SHROOM2: variants seen among roughly 807,000 people sequenced by gnomAD.
SHROOM2 encodes the protein shroom family member 2.
A neutral mutation model predicts 75.9 loss-of-function variants in SHROOM2; 33 were observed. That is an observed-to-expected ratio of 0.43 (90% confidence interval 0.33 to 0.58). The LOEUF (loss-of-function observed/expected upper bound fraction) is 0.58. Ranked by LOEUF, SHROOM2 falls within the 20% of genes least tolerant of loss-of-function variation. The probability of loss-of-function intolerance (pLI) is 0.04; values close to 1 mark genes in which losing one functional copy is unlikely to be tolerated. For missense variants in SHROOM2, 1,434 were observed against 1,461.2 expected (o/e 0.98, Z 0.30); for synonymous variants, 655 against 663.6 (o/e 0.99, Z 0.20).
intron 5 of SHROOM2, among the ~76,000 whole-genome samples, chrX:9,914,268 A>G (rs188459285): frequency 9.2e-6 from 1 of 109,155 alleles, no homozygotes; most frequent in Admixed American, 1.0e-4. Context: ...CAGAGGGACA[A>G]ATGACCCTGG....
chrX:9,927,732 C>T (rs1257211037), intron 5 of SHROOM2, among the ~76,000 whole-genome samples: 1 of 112,239 alleles, frequency 8.9e-6, no homozygotes, highest in Non-Finnish European at 1.9e-5. Flanking sequence ...TTGCAAGGCC[C>T]TGAAGGAAAT....
intron 1 of SHROOM2, among the ~76,000 whole-genome samples, chrX:9,792,039 T>A (rs369083466): frequency 0.64 from 7,664 of 11,999 alleles, 1,065 homozygotes; most frequent in Admixed American, 0.66. Flanking sequence ...TAGAATAGAA[T>A]AGAATAGAAT....
At chrX:9,826,780 A>G (rs911375084) in intron 1 of SHROOM2, among the ~76,000 whole-genome samples, 1 of 112,134 alleles carries the variant, frequency 8.9e-6, no homozygotes, top group East Asian at 2.8e-4. Context: ...TGTCTCCATA[A>G]AAAAGAAAAA....
intron 5 of SHROOM2, among the ~76,000 whole-genome samples, chrX:9,928,869 A>C (rs1277170193): frequency 8.9e-6 from 1 of 112,662 alleles, no homozygotes; most frequent in Non-Finnish European, 1.9e-5. Context: ...CTATGCAGAG[A>C]TATACATCTA....
Position 9,799,157 on chromosome X carries a change from C to CTTTTTTTTTTTTTTT in SHROOM2, c.165+12461_165+12475dup, listed in dbSNP as rs58508176. Among the ~76,000 whole-genome samples the CTTTTTTTTTTTTTTT allele has an allele frequency of 9.8e-5, 6 of 61,380 alleles. 1 individual carries two copies. Among genetic ancestry groups the CTTTTTTTTTTTTTTT allele is most frequent in the African/African-American group, 2.6e-4 (3 of 11,343 alleles). The allele number at this position is 61,380 out of a possible 115,157, so 53.3% of individuals were successfully genotyped here. The stretch of plus-strand genomic sequence containing the variant: ...GTTTGCCTTTACGGAGAGTTTAATT[C>CTTTTTTTTTTTTTTT]TTTTTTTTTTTTTTTTTTTTTTTTT... On this transcript the variant is annotated intron_variant, in intron 1 of 9. Coordinates refer to ENST00000380913, the MANE Select transcript of SHROOM2 (RefSeq NM_001649.4).
intron 1 of SHROOM2, among the ~76,000 whole-genome samples, chrX:9,858,087 A>G (rs754977784): frequency 2.3e-4 from 26 of 111,715 alleles, no homozygotes; most frequent in Non-Finnish European, 4.7e-4. Context: ...GGCATCCCTG[A>G]AGAGAGTTGT....
chrX:9,932,898 C>G (rs370989929), intron 6 of SHROOM2, 28 bp downstream of exon 6: 3 of 1,113,358 alleles, frequency 2.7e-6, no homozygotes, highest in African/African-American at 3.6e-5. Flanking sequence ...TGTTCCCTCC[C>G]CATGAGGCTC....
intron 1 of SHROOM2, among the ~76,000 whole-genome samples, chrX:9,822,823 C>T (rs2083859918): frequency 9.0e-6 from 1 of 111,659 alleles, no homozygotes; most frequent in South Asian, 3.8e-4. Context: ...GAGGAGTGCT[C>T]AGTGCCTCCG....
intron 5 of SHROOM2, among the ~76,000 whole-genome samples, chrX:9,909,963 A>T (rs989858805): frequency 1.3e-4 from 14 of 111,235 alleles, no homozygotes; most frequent in African/African-American, 4.6e-4. Flanking sequence ...ATGGAAGGGG[A>T]GAGGGAGCTC....
chrX:9,900,406 A>T (rs1486255230), intron 5 of SHROOM2, among the ~76,000 whole-genome samples: 3 of 112,409 alleles, frequency 2.7e-5, no homozygotes, highest in African/African-American at 3.2e-5. Flanking sequence ...TCTAGAATAC[A>T]AAGGTTTGAA....
At chrX:9,844,350 A>G (rs1424027539) in intron 1 of SHROOM2, among the ~76,000 whole-genome samples, 2 of 110,865 alleles carry the variant, frequency 1.8e-5, no homozygotes, top group African/African-American at 3.3e-5. Flanking sequence ...CATCTCTCCA[A>G]GAAATTTAAA....
At chrX:9,861,230 G>A (rs191715919) in intron 1 of SHROOM2, among the ~76,000 whole-genome samples, 185 of 112,338 alleles carry the variant, frequency 1.6e-3, no homozygotes, top group African/African-American at 5.5e-3. Flanking sequence ...GCAGTTGTAC[G>A]ATTATAACTC....
intron 1 of SHROOM2, among the ~76,000 whole-genome samples, chrX:9,795,086 C>A (rs2083687685): frequency 1.1e-5 from 1 of 91,539 alleles, no homozygotes; most frequent in African/African-American, 4.0e-5. Flanking sequence ...CTTTTTCCCT[C>A]TCATTTTTCT....
chrX:9,866,078 C>A (rs957300466), intron 1 of SHROOM2, among the ~76,000 whole-genome samples: 1 of 100,209 alleles, frequency 1.0e-5, no homozygotes, highest in Non-Finnish European at 2.0e-5. Flanking sequence ...ACAGCAGGGG[C>A]CAGGAATTTT....
chrX:9,818,567 G>A (rs1877976345), intron 1 of SHROOM2: 2 of 306,820 alleles, frequency 6.5e-6, no homozygotes, highest in East Asian at 8.2e-5. Flanking sequence ...TACCCCACAC[G>A]TAAAGCCATG....
At chrX:9,935,328 A>ATTG (rs1555943599) in intron 6 of SHROOM2, among the ~76,000 whole-genome samples, 9 of 104,216 alleles carry the variant, frequency 8.6e-5, no homozygotes, top group Non-Finnish European at 1.4e-4. Context: ...TATTATTATT[A>ATTG]TTATTATTTA....
intron 1 of SHROOM2, among the ~76,000 whole-genome samples, chrX:9,789,800 C>T (rs1374808077): frequency 8.9e-6 from 1 of 111,889 alleles, no homozygotes; most frequent in Non-Finnish European, 1.9e-5. Context: ...TCCGCTCCCT[C>T]CCCCAAAAAG....
At chrX:9,914,913 T>C (rs1275398215) in intron 5 of SHROOM2, among the ~76,000 whole-genome samples, 2 of 111,495 alleles carry the variant, frequency 1.8e-5, no homozygotes, top group Non-Finnish European at 3.8e-5. Context: ...GTTATTCTCT[T>C]AGTAACTTTC....
intron 5 of SHROOM2, among the ~76,000 whole-genome samples, chrX:9,929,233 G>A (rs1052359672): frequency 9.6e-6 from 1 of 104,267 alleles, no homozygotes; most frequent in South Asian, 4.2e-4. Flanking sequence ...TATCAACTGC[G>A]ACAATAAAAA....
Sources: gnomAD v4.1 joint callset for allele counts (sites outside exome capture counted in the v4.1 genomes callset) on GRCh38, gnomAD v4.1.1 for gene constraint, MANE v1.5 for transcripts, NCBI Gene and HGNC (gene_info 2026-07-23, HGNC 2026-07-21) for gene names.